PXDNL: variants seen among roughly 807,000 people sequenced by gnomAD.
PXDNL encodes probable oxidoreductase PXDNL.
PXDNL carries 145 observed loss-of-function variants against 150.8 expected under a neutral mutation model. The ratio of observed to expected loss-of-function variants is 0.96; its 90% CI spans 0.84 to 1.10. The LOEUF (loss-of-function observed/expected upper bound fraction) is 1.10, where lower values mean the gene tolerates loss of function less well. Ranked by LOEUF, PXDNL falls within the 50% of genes least tolerant of loss-of-function variation. PXDNL has a pLI of 0.00. For synonymous variants in PXDNL, 757 were observed against 725.7 expected (o/e 1.04, Z -0.69); for missense variants, 2,087 against 1,873.9 (o/e 1.11, Z -2.10).
chr8:51,776,840 T>C (rs909271167), intron 1 of PXDNL, among the ~76,000 whole-genome samples: 1 of 152,080 alleles, frequency 6.6e-6, no homozygotes, highest in Non-Finnish European at 1.5e-5. Flanking sequence ...TGTATCACAA[T>C]AGTCCTAAAT....
At chr8:51,628,577 T>C (rs1814417820) in intron 2 of PXDNL, among the ~76,000 whole-genome samples, 1 of 151,700 alleles carries the variant, frequency 6.6e-6, no homozygotes, top group Admixed American at 6.6e-5. Context: ...AGCTAATTTT[T>C]ATATTTTTAG....
chr8:51,349,798 A>G (rs1399185895), intron 19 of PXDNL, among the ~76,000 whole-genome samples: 2 of 152,236 alleles, frequency 1.3e-5, no homozygotes, highest in Non-Finnish European at 2.9e-5. Flanking sequence ...CAACTTTGGA[A>G]CACTAGTATC....
At chr8:51,797,630 C>T (rs1330855682) in intron 1 of PXDNL, among the ~76,000 whole-genome samples, 6 of 152,120 alleles carry the variant, frequency 3.9e-5, no homozygotes, top group African/African-American at 1.4e-4. Context: ...ACGTGAATGA[C>T]CTCTTCAAAA....
At chr8:51,665,253 G>A (rs931825417) in intron 1 of PXDNL, among the ~76,000 whole-genome samples, 4 of 152,270 alleles carry the variant, frequency 2.6e-5, no homozygotes, top group African/African-American at 4.8e-5. Flanking sequence ...CCAGGAAAGC[G>A]AACCCGCGGT....
Position 51,663,637 on chromosome 8 carries a change from A to T in PXDNL, c.165-8877T>A, listed in dbSNP as rs539087107. ...GACGGTGGTATCCCTGTATGTGGGA[A>T]CCCAGAGTAAACTGAGAAAACCTGG... On this transcript the variant is annotated intron_variant, in intron 1 of 22. Transcript: ENST00000356297. Among the ~76,000 whole-genome samples, 4 of 152,238 alleles carry T rather than the reference A, an allele frequency of 2.6e-5. No homozygotes were observed. In the South Asian group the frequency reaches 8.3e-4, roughly 32 times the overall value.
At chr8:51,399,027 AG>A (rs1217712385) in intron 17 of PXDNL, among the ~76,000 whole-genome samples, 1 of 152,210 alleles carries the variant, frequency 6.6e-6, no homozygotes, top group Non-Finnish European at 1.5e-5. Context: ...AGATGACAGT[AG>A]AAAGTCTGTG....
intron 1 of PXDNL, among the ~76,000 whole-genome samples, chr8:51,762,256 A>C (rs1018715511): frequency 6.6e-6 from 1 of 152,202 alleles, no homozygotes; most frequent in African/African-American, 2.4e-5. Flanking sequence ...GAGACAAGGA[A>C]AAAATATTTA....
intron 1 of PXDNL, among the ~76,000 whole-genome samples, chr8:51,687,420 A>C (rs1305591522): frequency 6.6e-6 from 1 of 152,268 alleles, no homozygotes. Flanking sequence ...CAACTGTATT[A>C]TATACGGTAT....
chr8:51,520,400 A>G (rs527994986), intron 4 of PXDNL, among the ~76,000 whole-genome samples: 1 of 148,692 alleles, frequency 6.7e-6, no homozygotes, highest in African/African-American at 2.5e-5. Flanking sequence ...GGACTGGGGC[A>G]GGGAAGTGAC....
chr8:51,763,567 C>T (rs1012491137), intron 1 of PXDNL, among the ~76,000 whole-genome samples: 16 of 152,070 alleles, frequency 1.1e-4, no homozygotes, highest in Non-Finnish European at 2.2e-4. Context: ...GGTCAAATGC[C>T]GCACTTGACC....
intron 7 of PXDNL, 58 bp downstream of exon 7, chr8:51,474,914 C>CA: frequency 7.2e-7 from 1 of 1,392,166 alleles, no homozygotes; most frequent in South Asian, 1.4e-5. Flanking sequence ...TAAACCTTTA[C>CA]AAAAAGAGAG....
rs150090859 is a variant in PXDNL at position 51,399,735 on chromosome 8, T to C, written c.3557+8332A>G. On this transcript the variant is annotated intron_variant, in intron 17 of 22. Coordinates refer to ENST00000356297, the MANE Select transcript of PXDNL (RefSeq NM_144651.5). ...GCATTGTACCACATGCCACTTTTGATACATGATGTTAACTGAAAATTTAGT... is the reference window on the plus strand; with the variant it reads ...GCATTGTACCACATGCCACTTTTGACACATGATGTTAACTGAAAATTTAGT... Among the ~76,000 whole-genome samples the C allele has an allele frequency of 1.8e-3, 280 of 152,366 alleles. 2 individuals carry two copies. The highest frequency in any genetic ancestry group is 6.5e-3 in the African/African-American group (270 of 41,584).
rs371179403 is a variant in PXDNL, at chr8:51,644,337, TACACACACACAC to T, written c.236+10340_236+10351del. On this transcript the variant is annotated intron_variant, in intron 2 of 22. Coordinates refer to ENST00000356297, the MANE Select transcript of PXDNL (RefSeq NM_144651.5). ...ACATTTTTACATATATATATATATA[TACACACACACAC>T]ACACACACACACACATATGTATATA... Among the ~76,000 whole-genome samples, 42 of 50,196 alleles carry T rather than the reference TACACACACACAC, an allele frequency of 8.4e-4. 15 individuals are homozygous for T. Among genetic ancestry groups the T allele is most frequent in the Admixed American group, 2.7e-3 (11 of 4,150 alleles). 32.9% of individuals were successfully genotyped at this position (50,196 alleles called of 152,430 possible).
chr8:51,627,422 G>A (rs1482528261), intron 2 of PXDNL, among the ~76,000 whole-genome samples: 1 of 152,140 alleles, frequency 6.6e-6, no homozygotes, highest in African/African-American at 2.4e-5. Flanking sequence ...TTATGTCTAT[G>A]TGGTTAAGGA....
At chr8:51,594,908 AC>A (rs1175045879) in intron 2 of PXDNL, among the ~76,000 whole-genome samples, 1 of 152,168 alleles carries the variant, frequency 6.6e-6, no homozygotes, top group Non-Finnish European at 1.5e-5. Flanking sequence ...GTAAAACAAT[AC>A]CTAACATTAT....
In PXDNL at chr8:51,522,110, G is replaced by A. The variant is rs191509809; in HGVS notation, c.381-22340C>T. 8.3e-3 allele frequency among the ~76,000 whole-genome samples: 1,261 copies of A among 152,202 alleles called. 10 individuals carry two copies. Among genetic ancestry groups the A allele is most frequent in the Admixed American group, 0.014 (211 of 15,284 alleles). On this transcript the variant is annotated intron_variant, in intron 4 of 22. Transcript: ENST00000356297. ...AATCTTTTATTTTTCTTATTTTTAA[G>A]TTCTCTAAAATTCTAATGAGAAAAG...
At chr8:51,665,918 G>A (rs1162380107) in intron 1 of PXDNL, among the ~76,000 whole-genome samples, 1 of 152,214 alleles carries the variant, frequency 6.6e-6, no homozygotes, top group African/African-American at 2.4e-5. Flanking sequence ...GTCTGGAACT[G>A]TCAACTATGC....
intron 5 of PXDNL, among the ~76,000 whole-genome samples, chr8:51,485,040 T>C (rs544425406): frequency 1.3e-5 from 2 of 152,344 alleles, no homozygotes; most frequent in South Asian, 4.1e-4. Context: ...TCCAGCCACT[T>C]TATGAGCTGT....
chr8:51,336,969 C>T (rs1366784537), intron 21 of PXDNL, among the ~76,000 whole-genome samples: 1 of 152,148 alleles, frequency 6.6e-6, no homozygotes, highest in Non-Finnish European at 1.5e-5. Flanking sequence ...CATGTTCCAA[C>T]ACAAAGAAAC....
Sources: allele counts gnomAD v4.1 joint callset (sites outside exome capture counted in the v4.1 genomes callset), GRCh38; gene constraint gnomAD v4.1.1; transcripts MANE v1.5; gene names NCBI Gene and HGNC (gene_info 2026-07-23, HGNC 2026-07-21).